Variants in PARVA observed in about 807,000 individuals in gnomAD.
PARVA encodes the protein parvin alpha.
In PARVA, 25 loss-of-function variants were observed where a neutral mutation model predicts 52.6. That is an observed-to-expected ratio of 0.48 (90% CI 0.35 to 0.66). The LOEUF (loss-of-function observed/expected upper bound fraction) is 0.66, where lower values mean the gene tolerates loss of function less well. Among genes scored for constraint, PARVA ranks in the 30% least tolerant of loss-of-function variants. The pLI is 0.01. For synonymous variants in PARVA, 185 were observed against 179.1 expected, an observed-to-expected ratio of 1.03 and a Z score of -0.26; for missense variants, 373 against 450.9, an observed-to-expected ratio of 0.83 and a Z score of 1.56.
At chr11:12,393,744 GGGAAAGGAAA>G (rs1289431505) in intron 1 of PARVA, among the ~76,000 whole-genome samples, 1 of 152,146 alleles carries the variant, frequency 6.6e-6, no homozygotes, top group Non-Finnish European at 1.5e-5. Flanking sequence ...TTGGCCCCAG[GGGAAAGGAAA>G]TGGGTTTGAG....
intron 1 of PARVA, among the ~76,000 whole-genome samples, chr11:12,439,305 G>GA (rs1229137953): frequency 6.6e-6 from 1 of 152,202 alleles, no homozygotes; most frequent in Non-Finnish European, 1.5e-5. Context: ...CTGCAGGAGA[G>GA]ATGAAAAGAA....
At chr11:12,520,939 A>C (rs937654951) in intron 12 of PARVA, among the ~76,000 whole-genome samples, 2 of 151,026 alleles carry the variant, frequency 1.3e-5, no homozygotes, top group Non-Finnish European at 3.0e-5. Flanking sequence ...CCTGTCTCAA[A>C]GAAAGGAAAA....
intron 1 of PARVA, among the ~76,000 whole-genome samples, chr11:12,459,335 G>A (rs929779012): frequency 6.6e-6 from 1 of 151,944 alleles, no homozygotes; most frequent in Non-Finnish European, 1.5e-5. Context: ...AGCCCAGGAG[G>A]TCAAGGCTGC....
At position 12,423,351 on chromosome 11, in the gene PARVA, GTT is replaced by G. The variant is rs869105706; in HGVS notation, c.136+45586_136+45587del. On this transcript the variant is annotated intron_variant, in intron 1 of 12. Transcript: ENST00000334956. ...GCGCCACCATGCGTGGCTAATTTTT[GTT>G]TTTTTTTTTTTTTTTTTGGTAGAGA... Among the ~76,000 whole-genome samples the G allele has an allele frequency of 2.6e-3, 277 of 104,720 alleles. 1 individual carries two copies. Among genetic ancestry groups the G allele is most frequent in the African/African-American group, 7.5e-3 (204 of 27,248 alleles). The allele number at this position is 104,720 out of a possible 152,430, so 68.7% of individuals were successfully genotyped here.
intron 5 of PARVA, among the ~76,000 whole-genome samples, chr11:12,503,642 G>A (rs1236042395): frequency 6.6e-6 from 1 of 152,118 alleles, no homozygotes; most frequent in East Asian, 1.9e-4. Context: ...GCCAAGGCGG[G>A]AGGATTGCTT....
chr11:12,430,397 G>A (rs1940300108), intron 1 of PARVA, among the ~76,000 whole-genome samples: 1 of 152,174 alleles, frequency 6.6e-6, no homozygotes, highest in Admixed American at 6.5e-5. Flanking sequence ...GAGCTGGTAG[G>A]AGCCAGTTCC....
Position 12,440,995 on chromosome 11 carries a change from A to G in PARVA, c.137-32750A>G, listed in dbSNP as rs114353578. Among the ~76,000 whole-genome samples, 259 of 152,342 alleles carry G rather than the reference A, an allele frequency of 1.7e-3. 2 individuals carry two copies. The highest frequency in any genetic ancestry group is 5.8e-3 in the African/African-American group (241 of 41,586). Reference sequence around the variant, plus strand: ...CAGGTAACCTAACATAGCGCATGATATCTCATCACATTCACAGTCCCAGGA... The same window carrying G: ...CAGGTAACCTAACATAGCGCATGATGTCTCATCACATTCACAGTCCCAGGA... On this transcript the variant is annotated intron_variant, in intron 1 of 12. Coordinates refer to ENST00000334956, the MANE Select transcript of PARVA (RefSeq NM_018222.5).
chr11:12,439,854 C>G (rs956531073), intron 1 of PARVA, among the ~76,000 whole-genome samples: 1 of 152,222 alleles, frequency 6.6e-6, no homozygotes, highest in African/African-American at 2.4e-5. Flanking sequence ...GCATAACTGG[C>G]TCCTTCACTC....
intron 12 of PARVA, among the ~76,000 whole-genome samples, chr11:12,525,050 T>C (rs1485945019): frequency 1.3e-5 from 2 of 152,098 alleles, no homozygotes; most frequent in Non-Finnish European, 2.9e-5. Flanking sequence ...TGTAACAGCA[T>C]AGGCGGAGGC....
intron 1 of PARVA, among the ~76,000 whole-genome samples, chr11:12,440,311 A>T (rs148446635): frequency 1.3e-3 from 202 of 152,282 alleles, no homozygotes; most frequent in Admixed American, 2.5e-3. Context: ...AGATAAGTGT[A>T]GGAAGCCGGT....
At chr11:12,423,474 G>T (rs1940183186) in intron 1 of PARVA, among the ~76,000 whole-genome samples, 1 of 149,068 alleles carries the variant, frequency 6.7e-6, no homozygotes, top group Admixed American at 6.8e-5. Context: ...ACTTTAAATA[G>T]ACTTTATGAT....
At chr11:12,507,693 AG>A (rs1323852460) in intron 6 of PARVA, among the ~76,000 whole-genome samples, 2 of 152,184 alleles carry the variant, frequency 1.3e-5, no homozygotes, top group African/African-American at 4.8e-5. Context: ...CTTTCTGCCG[AG>A]GGTGACCACG....
In PARVA at chr11:12,527,910, C is replaced by T. The variant is rs1370983287; in HGVS notation, c.1104C>T (p.Tyr368=). 5 of 1,612,428 alleles carry T rather than the reference C, an allele frequency of 3.1e-6. No individual in the cohort carries two copies. The highest frequency in any genetic ancestry group is 3.4e-6 in the Non-Finnish European group (4 of 1,179,150). Residue 368 remains tyrosine (Y), a synonymous_variant, in exon 13 of 13, where the codon TAC becomes TAT. Transcript: ENST00000334956. ...TGTTGTACAACCTCTTCACCAAGTA[C>T]CGTAACGTGGAGTGAGGGGCTGCCC... The part of the protein sequence containing the change: ...LRVLYNLFTK[Y]RNVE
chr11:12,523,424 G>C (rs1217064453), intron 12 of PARVA, among the ~76,000 whole-genome samples: 2 of 152,204 alleles, frequency 1.3e-5, no homozygotes, highest in Non-Finnish European at 2.9e-5. Context: ...CTTCGGAGAA[G>C]GGCCTTCAGC....
intron 1 of PARVA, among the ~76,000 whole-genome samples, chr11:12,383,746 A>AC (rs545654668): frequency 1.8e-4 from 27 of 151,986 alleles, no homozygotes; most frequent in African/African-American, 6.3e-4. Context: ...CTTTTTCTTA[A>AC]TTTTTTTTGA....
intron 4 of PARVA, chr11:12,480,276 T>C (rs1298702257): frequency 6.6e-6 from 1 of 151,218 alleles, no homozygotes; most frequent in Non-Finnish European, 1.5e-5. Flanking sequence ...ATGTAATTTC[T>C]AGGAAGTTAA....
At chr11:12,467,921 C>G (rs1940876984) in intron 1 of PARVA, among the ~76,000 whole-genome samples, 1 of 152,208 alleles carries the variant, frequency 6.6e-6, no homozygotes, top group African/African-American at 2.4e-5. Flanking sequence ...TTCCTCACCC[C>G]CTTCCCCTGT....
intron 1 of PARVA, among the ~76,000 whole-genome samples, chr11:12,394,170 G>A (rs58419220): frequency 0.031 from 4,680 of 152,164 alleles, 217 homozygotes; most frequent in African/African-American, 0.11. Flanking sequence ...TTGGTTCCAC[G>A]TCCAAGGCCA....
chr11:12,487,611 G>T (rs1941176695), intron 4 of PARVA, among the ~76,000 whole-genome samples: 1 of 152,052 alleles, frequency 6.6e-6, no homozygotes, highest in Non-Finnish European at 1.5e-5. Flanking sequence ...CTGCTGAATA[G>T]CCCTGCTTGA....
Sources: gnomAD v4.1 joint callset for allele counts (sites outside exome capture counted in the v4.1 genomes callset) on GRCh38, gnomAD v4.1.1 for gene constraint, MANE v1.5 for transcripts, NCBI Gene and HGNC (gene_info 2026-07-23, HGNC 2026-07-21) for gene names.